WDR59: variants seen among roughly 807,000 people sequenced by gnomAD.
The protein encoded by WDR59 is GATOR2 complex protein WDR59.
Under a neutral mutation model 131.2 loss-of-function variants are expected in WDR59, and 100 were observed. That is an observed-to-expected ratio of 0.76 (90% CI 0.65 to 0.90). The LOEUF is 0.90. Ranked by LOEUF, WDR59 falls within the 40% of genes least tolerant of loss-of-function variation. WDR59 has a pLI of 0.00. For synonymous variants in WDR59, 601 were observed against 466.2 expected (o/e 1.29, Z -3.72); for missense variants, 1,203 against 1,262.2 (o/e 0.95, Z 0.71).
At chr16:74,966,467 G>A (rs1255879510) in intron 1 of WDR59, among the ~76,000 whole-genome samples, 1 of 152,044 alleles carries the variant, frequency 6.6e-6, no homozygotes, top group African/African-American at 2.4e-5. Flanking sequence ...GCAACAGACT[G>A]AGACTCCATC....
At chr16:74,923,869 T>A (rs2030505027) in intron 9 of WDR59, 57 bp downstream of exon 9, 3 of 1,497,958 alleles carry the variant, frequency 2.0e-6, no homozygotes, top group Non-Finnish European at 2.7e-6. Context: ...CCGGGCTCCT[T>A]CTTTTTGGAA....
At chr16:74,890,389 G>C (rs1452355868) in intron 20 of WDR59, among the ~76,000 whole-genome samples, 1 of 152,066 alleles carries the variant, frequency 6.6e-6, no homozygotes, top group African/African-American at 2.4e-5. Flanking sequence ...GGACTCAAGT[G>C]ATCCACCTGC....
At chr16:74,953,858 C>T (rs930343826) in intron 3 of WDR59, among the ~76,000 whole-genome samples, 4 of 151,524 alleles carry the variant, frequency 2.6e-5, no homozygotes, top group East Asian at 2.0e-4. Flanking sequence ...AAAAATTAGC[C>T]GGGCATGGTG....
At chr16:74,965,890 G>C in intron 1 of WDR59, 68 bp from the exon 2 acceptor site, 1 of 1,562,262 alleles carries the variant, frequency 6.4e-7, no homozygotes, top group Non-Finnish European at 8.8e-7. Flanking sequence ...AGAGGTCTCT[G>C]TGGCTCTTCC....
In WDR59 at chr16:74,888,226, G is replaced by A; in HGVS notation, c.2289C>T (p.Asn763=). The change falls in exon 22 of 26, where the codon AAC becomes AAT. Residue 763 remains asparagine (N), a synonymous_variant. Transcript: ENST00000262144. ...EAQSRPQGLP[N]PFGPFPNRSS... is the part of the protein sequence containing the mutation. ...AACGGTTAGGAAAAGGCCCAAAGGG[G>A]TTTGGTAGCCCCTGAGGCCGAGACT... is the stretch of plus-strand genomic sequence containing the variant. 8 of 1,614,108 alleles carry A rather than the reference G, an allele frequency of 5.0e-6. No homozygotes were observed. The highest frequency in any genetic ancestry group is 6.8e-6 in the Non-Finnish European group (8 of 1,180,022).
At chr16:74,974,483 C>T (rs943414486) in intron 1 of WDR59, among the ~76,000 whole-genome samples, 1 of 152,170 alleles carries the variant, frequency 6.6e-6, no homozygotes, top group Admixed American at 6.6e-5. Flanking sequence ...CACAGCTAGT[C>T]TACAAGGTAG....
In WDR59 at chr16:74,882,489, C is replaced by A. The variant is rs183899029; in HGVS notation, c.2689+3164G>T. 4.9e-3 allele frequency among the ~76,000 whole-genome samples: 746 copies of A among 152,254 alleles called. 4 individuals are homozygous for A. Among genetic ancestry groups the A allele is most frequent in the Non-Finnish European group, 8.0e-3 (547 of 67,992 alleles). Reference sequence around the variant, plus strand: ...GTCTCACACCTGTAATCCCAGCACTCTGGGAGGCCGAGGCAGGCACATCGC... The same window carrying A: ...GTCTCACACCTGTAATCCCAGCACTATGGGAGGCCGAGGCAGGCACATCGC... On this transcript the variant is annotated intron_variant, in intron 25 of 25. Transcript: ENST00000262144.
intron 8 of WDR59, among the ~76,000 whole-genome samples, chr16:74,935,256 T>G (rs1450244457): frequency 1.3e-5 from 2 of 151,990 alleles, no homozygotes; most frequent in African/African-American, 4.8e-5. Flanking sequence ...ACCAAGTGAC[T>G]ATGTCTGGAT....
At chr16:74,907,425 A>G (rs1456041881) in intron 17 of WDR59, among the ~76,000 whole-genome samples, 1 of 152,110 alleles carries the variant, frequency 6.6e-6, no homozygotes, top group African/African-American at 2.4e-5. Context: ...TGATGGTTTT[A>G]TAAGATCTGA....
intron 10 of WDR59, among the ~76,000 whole-genome samples, chr16:74,920,016 A>T (rs1715578276): frequency 6.6e-6 from 1 of 150,996 alleles, no homozygotes; most frequent in South Asian, 2.1e-4. Context: ...GGCTGCAGTG[A>T]GCCATGCTCG....
chr16:74,951,989 T>C (rs897972803), intron 3 of WDR59, among the ~76,000 whole-genome samples: 3 of 143,262 alleles, frequency 2.1e-5, no homozygotes, highest in African/African-American at 2.5e-5. Flanking sequence ...CAGGTTTTTG[T>C]TTTTTTTTTT....
At chr16:74,940,636 G>A (rs2032145916) in intron 7 of WDR59, among the ~76,000 whole-genome samples, 1 of 152,174 alleles carries the variant, frequency 6.6e-6, no homozygotes, top group Non-Finnish European at 1.5e-5. Flanking sequence ...TGCCAGAGAA[G>A]TGAAAATATA....
chr16:74,948,609 C>T, intron 5 of WDR59, 53 bp from the exon 6 acceptor site: 2 of 1,445,566 alleles, frequency 1.4e-6, no homozygotes, highest in South Asian at 2.3e-5. Context: ...CACCACCCAC[C>T]TGGTATTTTT....
chr16:74,979,981 TG>T (rs898784864), intron 1 of WDR59, among the ~76,000 whole-genome samples: 1 of 151,322 alleles, frequency 6.6e-6, no homozygotes, highest in Non-Finnish European at 1.5e-5. Flanking sequence ...CCCGAGTAGC[TG>T]GGATGACAGG....
chr16:74,933,404 C>T (rs908848524), intron 8 of WDR59, among the ~76,000 whole-genome samples: 2 of 152,186 alleles, frequency 1.3e-5, no homozygotes, highest in Non-Finnish European at 2.9e-5. Flanking sequence ...ACTCAGTCTA[C>T]ACCTAGAGAG....
intron 1 of WDR59, among the ~76,000 whole-genome samples, chr16:74,980,643 C>T (rs1039697142): frequency 2.6e-5 from 4 of 151,998 alleles, no homozygotes; most frequent in African/African-American, 4.8e-5. Context: ...CGTTAGCCTA[C>T]GCCCAGCCAA....
At chr16:74,942,983 T>G (rs746046986) in intron 6 of WDR59, among the ~76,000 whole-genome samples, 157 bp from the exon 7 acceptor site, 2 of 151,906 alleles carry the variant, frequency 1.3e-5, no homozygotes, top group Non-Finnish European at 2.9e-5. Context: ...CCAGATAAAA[T>G]GAAGCCAAAA....
chr16:74,953,416 T>G (rs562556132), intron 3 of WDR59, among the ~76,000 whole-genome samples: 1 of 145,348 alleles, frequency 6.9e-6, no homozygotes, highest in African/African-American at 2.6e-5. Flanking sequence ...GAGGCTGCAA[T>G]GAACTGAGAT....
Position 74,873,529 on chromosome 16 carries a change from C to T in WDR59, c.*680G>A, listed in dbSNP as rs1031046607. 6.6e-6 allele frequency: 1 copy of T among 151,680 alleles called. No homozygotes were observed. Among genetic ancestry groups the T allele is most frequent in the Non-Finnish European group, 1.5e-5 (1 of 67,980 alleles). The allele number at this position is 151,680 out of a possible 1,614,324, so 9.4% of individuals were successfully genotyped here. On this transcript the variant is annotated 3_prime_UTR_variant, in exon 26 of 26. Transcript: ENST00000262144. ...ACTTTGGTCCTATTCAAAATAGCTA[C>T]CTTCAATTAGAATTAGGGTAAAAAA...
Sources: allele counts gnomAD v4.1 joint callset (sites outside exome capture counted in the v4.1 genomes callset), GRCh38; gene constraint gnomAD v4.1.1; transcripts MANE v1.5; gene names NCBI Gene and HGNC (gene_info 2026-07-23, HGNC 2026-07-21).